The following SPIRE1 variants were observed in gnomAD, a reference collection of about 807,000 sequenced individuals.
SPIRE1 encodes the protein spire type actin nucleation factor 1, also known as protein spire homolog 1.
Under a neutral mutation model 94.1 loss-of-function variants are expected in SPIRE1, and 40 were observed. The observed-to-expected ratio is 0.43, with a 90% CI of 0.33 to 0.55. The LOEUF is 0.55. Among genes scored for constraint, SPIRE1 ranks in the 20% least tolerant of loss-of-function variants. SPIRE1 has a pLI of 0.06. For synonymous variants in SPIRE1, 376 were observed against 371.7 expected (o/e 1.01, Z -0.13); for missense variants, 838 against 975.2 (o/e 0.86, Z 1.87).
chr18:12,560,933 C>T (rs1190470436), intron 2 of SPIRE1, among the ~76,000 whole-genome samples: 2 of 152,160 alleles, frequency 1.3e-5, no homozygotes, highest in African/African-American at 2.4e-5. Context: ...AGGGTGACTA[C>T]TGTTTAAAAT....
chr18:12,615,950 G>C (rs1184611394), intron 2 of SPIRE1, among the ~76,000 whole-genome samples: 1 of 152,174 alleles, frequency 6.6e-6, no homozygotes, highest in Non-Finnish European at 1.5e-5. Flanking sequence ...ATGAGTTGCA[G>C]AATTCTCTCA....
intron 13 of SPIRE1, among the ~76,000 whole-genome samples, chr18:12,453,455 A>G (rs2031343402): frequency 7.0e-6 from 1 of 143,492 alleles, no homozygotes; most frequent in Non-Finnish European, 1.5e-5. Context: ...TTTTTATGAG[A>G]TGGAGTCTCA....
chr18:12,641,641 A>C (rs1179457697), intron 1 of SPIRE1, among the ~76,000 whole-genome samples: 1 of 151,696 alleles, frequency 6.6e-6, no homozygotes, highest in Non-Finnish European at 1.5e-5. Context: ...TGCTGGGATT[A>C]CAGGCGTGAG....
chr18:12,550,245 G>C (rs969783351), intron 2 of SPIRE1, among the ~76,000 whole-genome samples: 2 of 152,178 alleles, frequency 1.3e-5, no homozygotes, highest in African/African-American at 4.8e-5. Flanking sequence ...AATGCTGATG[G>C]TAGCAATGAT....
chr18:12,658,540 A>C (rs1209066876), upstream of SPIRE1: 1 of 470,522 alleles, frequency 2.1e-6, no homozygotes, highest in Admixed American at 2.4e-5. Flanking sequence ...CGCCCTGCAC[A>C]GCGGGAGAAG....
intron 2 of SPIRE1, among the ~76,000 whole-genome samples, chr18:12,626,333 T>A (rs1446904617): frequency 6.6e-6 from 1 of 152,050 alleles, no homozygotes; most frequent in East Asian, 1.9e-4. Context: ...GATCTCTGGG[T>A]CCCCTAAAGC....
intron 8 of SPIRE1, among the ~76,000 whole-genome samples, chr18:12,486,805 T>C (rs1411533709): frequency 6.6e-6 from 1 of 152,230 alleles, no homozygotes; most frequent in Non-Finnish European, 1.5e-5. Context: ...TAGTTACTCA[T>C]GATCCAAAAA....
intron 9 of SPIRE1, among the ~76,000 whole-genome samples, chr18:12,480,307 T>C (rs1028536745): frequency 2.6e-5 from 4 of 152,226 alleles, no homozygotes; most frequent in African/African-American, 9.6e-5. Flanking sequence ...TAATAATCTA[T>C]ATTCATATAA....
At chr18:12,468,964 T>C (rs2143659042) in intron 10 of SPIRE1, among the ~76,000 whole-genome samples, 1 of 152,070 alleles carries the variant, frequency 6.6e-6, no homozygotes, top group Middle Eastern at 3.4e-3. Context: ...CTTGGGAGGC[T>C]GAGGCAGGAG....
At chr18:12,661,463 A>C, upstream of SPIRE1, 21 of 522,678 alleles carry the variant, frequency 4.0e-5, no homozygotes, top group Non-Finnish European at 5.2e-5. Context: ...CCATTTTCTC[A>C]TTTTCAATTC....
intron 2 of SPIRE1, among the ~76,000 whole-genome samples, chr18:12,605,955 G>C (rs1242238745): frequency 6.6e-6 from 1 of 152,056 alleles, no homozygotes; most frequent in Non-Finnish European, 1.5e-5. Flanking sequence ...GGTCCACCTA[G>C]GCATCTTCCC....
At chr18:12,588,739 A>G (rs1446450524) in intron 2 of SPIRE1, among the ~76,000 whole-genome samples, 2 of 151,916 alleles carry the variant, frequency 1.3e-5, no homozygotes, top group African/African-American at 2.4e-5. Flanking sequence ...GTCAGCTGCT[A>G]TTAAAAACTC....
chr18:12,546,800 G>A lies in SPIRE1; in HGVS notation c.477C>T (p.His159=), dbSNP rs776896071. The change falls in exon 3 of 17, where the codon CAC becomes CAT. Residue 159 remains histidine, a synonymous_variant. Transcript: ENST00000409402. Reference sequence around the variant, plus strand: ...CGTCAGCTTCCACCGTGTTGGCCATGTGATCGATAAGCTGCTCTAGGGGAG... The same window carrying A: ...CGTCAGCTTCCACCGTGTTGGCCATATGATCGATAAGCTGCTCTAGGGGAG... ...LSPPLEQLID[H]MANTVEADGS... is the part of the protein sequence containing the mutation. The A allele has an allele frequency of 3.7e-6, 6 of 1,614,074 alleles. No individual in the cohort carries two copies.
chr18:12,603,574 ATTT>A (rs71174104), intron 2 of SPIRE1, among the ~76,000 whole-genome samples: 11,469 of 138,342 alleles, frequency 0.083, 581 homozygotes, highest in Middle Eastern at 0.17. Context: ...CCAGTAGCCA[ATTT>A]TTTTTTTTTT....
At chr18:12,643,701 T>A (rs936998047) in intron 1 of SPIRE1, among the ~76,000 whole-genome samples, 2 of 152,162 alleles carry the variant, frequency 1.3e-5, no homozygotes, top group African/African-American at 4.8e-5. Flanking sequence ...AGGCTTGACA[T>A]AGACTACACT....
chr18:12,453,023 T>TA, intron 14 of SPIRE1, 45 bp downstream of exon 14: 1 of 1,270,980 alleles, frequency 7.9e-7, no homozygotes. Flanking sequence ...GTATTTCTCT[T>TA]ACGACTGTTA....
chr18:12,622,421 C>CTTTTTTTTTT (rs71371281), intron 2 of SPIRE1, among the ~76,000 whole-genome samples: 5 of 114,810 alleles, frequency 4.4e-5, no homozygotes, highest in East Asian at 2.8e-4. Flanking sequence ...TATGTCCAGT[C>CTTTTTTTTTT]TTTTTTTTTT....
intron 10 of SPIRE1, among the ~76,000 whole-genome samples, chr18:12,466,411 G>C (rs2032102315): frequency 6.6e-6 from 1 of 152,002 alleles, no homozygotes; most frequent in Admixed American, 6.6e-5. Context: ...TGAGTAACTG[G>C]GATTACAGGT....
intron 2 of SPIRE1, among the ~76,000 whole-genome samples, chr18:12,615,345 A>AAAAAAAAT: frequency 1.2e-4 from 2 of 17,244 alleles, no homozygotes; most frequent in Non-Finnish European, 1.9e-4. Flanking sequence ...AAAAAAAAAA[A>AAAAAAAAT]ATATATATAT....
Sources: allele counts gnomAD v4.1 joint callset (sites outside exome capture counted in the v4.1 genomes callset), GRCh38; gene constraint gnomAD v4.1.1; transcripts MANE v1.5; gene names NCBI Gene and HGNC (gene_info 2026-07-23, HGNC 2026-07-21).